The following DAB2 variants were observed in gnomAD, a reference collection of about 807,000 sequenced individuals.
DAB2 encodes the protein DAB adaptor protein 2.
Under a neutral mutation model 71.6 loss-of-function variants are expected in DAB2, and 28 were observed. The ratio of observed to expected loss-of-function variants is 0.39; its 90% CI spans 0.29 to 0.54. The LOEUF (loss-of-function observed/expected upper bound fraction) is 0.54. Ranked by LOEUF, DAB2 falls within the 20% of genes least tolerant of loss-of-function variation. DAB2 has a pLI of 0.68. For missense variants in DAB2, 867 were observed against 928.8 expected (o/e 0.93, Z 0.86); for synonymous variants, 345 against 339.7 (o/e 1.02, Z -0.17).
intron 1 of DAB2, among the ~76,000 whole-genome samples, chr5:39,410,478 C>T (rs1755697975): frequency 6.6e-6 from 1 of 151,728 alleles, no homozygotes; most frequent in Admixed American, 6.6e-5. Context: ...TGATAAACAA[C>T]TCTGTTGGGA....
chr5:39,404,394 TAAAAA>T (rs555236403), intron 1 of DAB2, among the ~76,000 whole-genome samples: 2 of 63,796 alleles, frequency 3.1e-5, no homozygotes, highest in Non-Finnish European at 6.7e-5. Flanking sequence ...TAAAGTATAA[TAAAAA>T]AAAAGAAAAA....
At chr5:39,387,548 G>A (rs1458489146) in intron 9 of DAB2, 2 of 152,140 alleles carry the variant, frequency 1.3e-5, no homozygotes, top group Non-Finnish European at 2.9e-5. Flanking sequence ...CAAATAGCAG[G>A]TGCTCAGGAA....
chr5:39,389,031 A>G (rs1755162676), intron 7 of DAB2, 66 bp downstream of exon 7: 1 of 1,490,550 alleles, frequency 6.7e-7, no homozygotes, highest in Non-Finnish European at 9.3e-7. Context: ...GTGGTTGGGC[A>G]GGTAGAAAAC....
intron 1 of DAB2, 32 bp downstream of exon 1, chr5:39,424,772 C>G (rs1241517530): frequency 1.3e-5 from 2 of 152,166 alleles, no homozygotes; most frequent in Non-Finnish European, 2.9e-5. Context: ...AAAAATGGAG[C>G]CAGAGGGAAG....
intron 4 of DAB2, 94 bp downstream of exon 4, chr5:39,392,271 C>G: frequency 1.1e-6 from 1 of 878,882 alleles, no homozygotes; most frequent in South Asian, 1.4e-5. Flanking sequence ...CCCCACAGAA[C>G]TTTGAGAACG....
At chr5:39,387,733 T>C (rs1486729639) in intron 9 of DAB2, 1 of 152,050 alleles carries the variant, frequency 6.6e-6, no homozygotes, top group African/African-American at 2.4e-5. Context: ...TTTTTTTAAT[T>C]TATAAAGGAA....
chr5:39,377,927 G>T (rs1579899161), intron 11 of DAB2, among the ~76,000 whole-genome samples: 1 of 152,200 alleles, frequency 6.6e-6, no homozygotes, highest in African/African-American at 2.4e-5. Flanking sequence ...TTTGGCCAAT[G>T]CCAAGATAGT....
At chr5:39,414,411 T>C (rs373313374) in intron 1 of DAB2, among the ~76,000 whole-genome samples, 1 of 152,218 alleles carries the variant, frequency 6.6e-6, no homozygotes, top group East Asian at 1.9e-4. Context: ...TTATAAACAA[T>C]TTGGTGGACA....
Position 39,404,035 on chromosome 5 carries a change from A to C in DAB2, c.-101-9614T>G, listed in dbSNP as rs527939850. 4.6e-5 allele frequency among the ~76,000 whole-genome samples: 7 copies of C among 152,024 alleles called. No individual in the cohort carries two copies. In the South Asian group the frequency reaches 1.5e-3, roughly 32 times the overall value. On this transcript the variant is annotated intron_variant, in intron 1 of 14. Transcript: ENST00000320816. ...TTAATCCAGTCTATCATTGTTGGACATTTGGCTTGGTTCCAAGTCTCTGCT... is the reference window on the plus strand; with the variant it reads ...TTAATCCAGTCTATCATTGTTGGACCTTTGGCTTGGTTCCAAGTCTCTGCT...
intron 11 of DAB2, 65 bp downstream of exon 11, chr5:39,381,389 G>C: frequency 6.6e-7 from 1 of 1,508,408 alleles, no homozygotes; most frequent in Middle Eastern, 1.7e-4. Flanking sequence ...AATCTCTTCC[G>C]ATGCATCATC....
intron 1 of DAB2, among the ~76,000 whole-genome samples, chr5:39,404,825 C>T (rs777555859): frequency 2.6e-5 from 4 of 152,182 alleles, no homozygotes; most frequent in African/African-American, 4.8e-5. Flanking sequence ...GCAATCCACC[C>T]GCCTCGGCCT....
intron 4 of DAB2, among the ~76,000 whole-genome samples, chr5:39,391,998 G>A (rs1755242178): frequency 6.9e-6 from 1 of 144,088 alleles, no homozygotes; most frequent in Non-Finnish European, 1.5e-5. Flanking sequence ...ATATATAGAA[G>A]TTTTACTTTA....
intron 1 of DAB2, among the ~76,000 whole-genome samples, chr5:39,405,996 G>A (rs3849759): frequency 0.22 from 33,894 of 151,998 alleles, 3,900 homozygotes; most frequent in Admixed American, 0.29. Flanking sequence ...CTTTATTATG[G>A]GGTTGGAAGA....
In DAB2 at chr5:39,393,518, A is replaced by G. The variant is rs903892787; in HGVS notation, c.92-125T>C. On this transcript the variant is annotated intron_variant, in intron 2 of 14. Coordinates refer to ENST00000320816, the MANE Select transcript of DAB2 (RefSeq NM_001343.4). ...TACTACAACTGATCATGTATGTAAT[A>G]TTCTGTCCTGTCTTATTCTTACTTC... The G allele has an allele frequency of 3.6e-5, 37 of 1,017,454 alleles. No homozygotes were observed. In the African/African-American group the frequency reaches 5.7e-4, roughly 16 times the overall value. 63.0% of individuals were successfully genotyped at this position (1,017,454 alleles called of 1,614,324 possible). A position where few individuals can be genotyped will look rare whatever the true frequency, so the allele number is the denominator to read the frequency against.
intron 13 of DAB2, among the ~76,000 whole-genome samples, 163 bp downstream of exon 13, chr5:39,375,834 T>G (rs1754813701): frequency 6.6e-6 from 1 of 152,070 alleles, no homozygotes; most frequent in Non-Finnish European, 1.5e-5. Flanking sequence ...TGCAGTGAGC[T>G]GAGATTGCAC....
intron 1 of DAB2, among the ~76,000 whole-genome samples, chr5:39,407,601 T>A: frequency 6.6e-6 from 1 of 152,230 alleles, no homozygotes; most frequent in East Asian, 1.9e-4. Context: ...TATGAAATAA[T>A]CCTGAATTAA....
At chr5:39,404,540 C>A (rs1755571210) in intron 1 of DAB2, among the ~76,000 whole-genome samples, 1 of 148,314 alleles carries the variant, frequency 6.7e-6, no homozygotes, top group South Asian at 2.1e-4. Context: ...AAGCTTTATG[C>A]ATCCAAATAA....
At chr5:39,408,097 C>G (rs997860792) in intron 1 of DAB2, among the ~76,000 whole-genome samples, 1 of 152,182 alleles carries the variant, frequency 6.6e-6, no homozygotes, top group Non-Finnish European at 1.5e-5. Context: ...TTGCTGTACC[C>G]TTTCTTGCAA....
At position 39,382,830 on chromosome 5, in the gene DAB2, T is replaced by C. The variant is rs1265462444; in HGVS notation, c.1129A>G (p.Thr377Ala). Residue 377 changes from threonine to alanine, a missense_variant, in exon 10 of 15, where the codon ACT becomes GCT. By Grantham distance (58) the Thr-to-Ala change is moderately conservative. Transcript: ENST00000320816. ...TCTCTTTCAGATACCCCATTTTGAG[T>C]TCTCACTGCTGGCTGGGTTTGCGAA... ...SSSQTQPAVRTQNGVSEREQN... is the reference protein window; with the variant it reads ...SSSQTQPAVRAQNGVSEREQN... 6.2e-7 allele frequency: 1 copy of C among 1,614,076 alleles called. No individual in the cohort carries two copies. The highest frequency in any genetic ancestry group is 1.3e-5 in the African/African-American group (1 of 74,936).
Sources: allele counts gnomAD v4.1 joint callset (sites outside exome capture counted in the v4.1 genomes callset), GRCh38; gene constraint gnomAD v4.1.1; transcripts MANE v1.5; gene names NCBI Gene and HGNC (gene_info 2026-07-23, HGNC 2026-07-21).